The following VCPIP1 variants were observed in gnomAD, a reference collection of about 807,000 sequenced individuals.
VCPIP1 encodes the protein valosin containing protein interacting protein 1, also known as deubiquitinating protein VCPIP1.
A neutral mutation model predicts 85.0 loss-of-function variants in VCPIP1; 8 were observed. The ratio of observed to expected loss-of-function variants is 0.09; its 90% CI spans 0.06 to 0.17. VCPIP1 has a LOEUF of 0.17. VCPIP1 is among the 10% of genes least tolerant of loss of function. The probability of loss-of-function intolerance (pLI) is 1.00; values close to 1 mark genes in which losing one functional copy is unlikely to be tolerated. For missense variants in VCPIP1, 1,070 were observed against 1,486.3 expected, an observed-to-expected ratio of 0.72 and a Z score of 4.61; for synonymous variants, 543 against 544.5, an observed-to-expected ratio of 1.00 and a Z score of 0.04.
At chr8:66,650,611 A>C (rs1811042632) in intron 2 of VCPIP1, among the ~76,000 whole-genome samples, 1 of 152,168 alleles carries the variant, frequency 6.6e-6, no homozygotes. Context: ...TGTATCCTAG[A>C]ACTTAGAAAG....
chr8:66,633,151 AC>A lies in VCPIP1; in HGVS notation c.*1349del, dbSNP rs1810850422. The A allele has an allele frequency of 6.6e-6, 1 of 152,588 alleles. No individual in the cohort carries two copies. The highest frequency in any genetic ancestry group is 1.5e-5 in the Non-Finnish European group (1 of 67,976). 9.5% of individuals were successfully genotyped at this position (152,588 alleles called of 1,614,324 possible). On this transcript the variant is annotated 3_prime_UTR_variant, in exon 3 of 3. Transcript: ENST00000310421. ...GAGATTTTTAAACATCTGATAAAAT[AC>A]TTTCTGACATACATTTTCTTAGAAT...
rs915832074 is a variant in VCPIP1, at chr8:66,639,009, G to T, written c.2798-3637C>A. On this transcript the variant is annotated intron_variant, in intron 2 of 2. Transcript: ENST00000310421. ...ATACATATATTTTGTGGGGGACAGG[G>T]TCTCACTCTGTCAACCAGGCTGGAG... Among the ~76,000 whole-genome samples the T allele has an allele frequency of 1.1e-4, 16 of 143,522 alleles. 1 individual carries two copies. The highest frequency in any genetic ancestry group is 3.8e-4 in the African/African-American group (14 of 36,404). The allele number at this position is 143,522 out of a possible 152,430, so 94.2% of individuals were successfully genotyped here. A position where few individuals can be genotyped will look rare whatever the true frequency, so the allele number is the denominator to read the frequency against.
Position 66,634,667 on chromosome 8 carries a change from TCAGTACCAC to T in VCPIP1, c.3494_3502del (p.Gly1165_Thr1167del), listed in dbSNP as rs574506667. 2.7e-4 allele frequency: 438 copies of T among 1,614,222 alleles called. 3 individuals carry two copies. In the African/African-American group the frequency reaches 5.3e-3, roughly 19 times the overall value. On this transcript the variant is annotated inframe_deletion, in exon 3 of 3. Coordinates refer to ENST00000310421, the MANE Select transcript of VCPIP1 (RefSeq NM_025054.5). ...ATCAGTTGTTTCTGTATTCAAATTT[TCAGTACCAC>T]CAGTTAAAGGAAAAGATTCAGGCAA...
Position 66,667,139 on chromosome 8 carries a change from T to A in VCPIP1, c.-181A>T. On this transcript the variant is annotated 5_prime_UTR_variant, in exon 1 of 3. Transcript: ENST00000310421. ...GCCGGACGTTGTTTCTCTTCTTACT[T>A]CTCCACTGCCGTAGCCGTTGCCCCG... 1 of 1,320,840 alleles carries A rather than the reference T, an allele frequency of 7.6e-7. No homozygotes were observed. Among genetic ancestry groups the A allele is most frequent in the Non-Finnish European group, 9.9e-7 (1 of 1,012,638 alleles). 81.8% of individuals were successfully genotyped at this position (1,320,840 alleles called of 1,614,324 possible). A position where few individuals can be genotyped will look rare whatever the true frequency, so the allele number is the denominator to read the frequency against.
chr8:66,658,074 G>A (rs748358109), intron 1 of VCPIP1, among the ~76,000 whole-genome samples: 5 of 152,056 alleles, frequency 3.3e-5, no homozygotes, highest in Non-Finnish European at 5.9e-5. Flanking sequence ...GGTGGCTCAC[G>A]CCTGTAATCC....
intron 1 of VCPIP1, among the ~76,000 whole-genome samples, chr8:66,662,812 T>C (rs112204028): frequency 2.0e-5 from 3 of 151,468 alleles, no homozygotes; most frequent in Non-Finnish European, 4.4e-5. Flanking sequence ...CTCCAGAGTA[T>C]CTGGGATTAC....
intron 2 of VCPIP1, among the ~76,000 whole-genome samples, chr8:66,641,122 A>G (rs983956619): frequency 6.6e-6 from 1 of 152,178 alleles, no homozygotes; most frequent in Non-Finnish European, 1.5e-5. Flanking sequence ...CGGCCCCTGT[A>G]TCTGCTGACC....
rs568188452 is a variant in VCPIP1, at chr8:66,634,853, C to T, written c.3317G>A (p.Arg1106Gln). The T allele has an allele frequency of 5.0e-6, 8 of 1,614,092 alleles. No homozygotes were observed. Among genetic ancestry groups the T allele is most frequent in the South Asian group, 4.4e-5 (4 of 91,078 alleles). Residue 1106 changes from arginine (R) to glutamine (Q), a missense_variant, in exon 3 of 3, where the codon CGA (arginine) becomes CAA (glutamine). By Grantham distance (43) the Arg-to-Gln change is conservative. This residue lies in a region of VCPIP1 where 255 missense variants were observed against 289.5 expected (regional missense o/e 0.88). Coordinates refer to ENST00000310421, the MANE Select transcript of VCPIP1 (RefSeq NM_025054.5). ...AGAAACCATTTCCTGCAATTTTTTT[C>T]GCTGGGCCTCAACCAAATCAGGATC... is the stretch of plus-strand genomic sequence containing the variant. ...QLDPDLVEAQ[R>Q]KKLQEMVSSI...
chr8:66,649,830 T>C (rs7838950), intron 2 of VCPIP1, among the ~76,000 whole-genome samples: 4,002 of 152,294 alleles, frequency 0.026, 185 homozygotes, highest in African/African-American at 0.09. Context: ...AAAATTCGTA[T>C]ACTTGTAAGT....
chr8:66,664,420 T>C lies in VCPIP1; in HGVS notation c.2539A>G (p.Thr847Ala). The change falls in exon 1 of 3, where the codon ACA becomes GCA. Residue 847 changes from threonine (T) to alanine (A), a missense_variant. Thr to Ala is a moderately conservative substitution (Grantham distance 58, BLOSUM62 0). Transcript: ENST00000310421. ...PVPLQHGDRITIEILKSKAEG... is the reference protein window; with the variant it reads ...PVPLQHGDRIAIEILKSKAEG... Reference sequence around the variant, plus strand: ...GCTTTACTTTTTAGAATTTCTATTGTAATTCTGTCGCCATGCTGTAAAGGA... The same window carrying C: ...GCTTTACTTTTTAGAATTTCTATTGCAATTCTGTCGCCATGCTGTAAAGGA... 1 of 1,613,846 alleles carries C rather than the reference T, an allele frequency of 6.2e-7. No individual in the cohort carries two copies. Among genetic ancestry groups the C allele is most frequent in the Non-Finnish European group, 8.5e-7 (1 of 1,179,700 alleles).
chr8:66,641,019 C>T (rs1289506460), intron 2 of VCPIP1, among the ~76,000 whole-genome samples: 1 of 152,210 alleles, frequency 6.6e-6, no homozygotes, highest in Non-Finnish European at 1.5e-5. Flanking sequence ...AACACATGCC[C>T]TCTGGGGCCC....
At chr8:66,637,282 T>C (rs563381441) in intron 2 of VCPIP1, among the ~76,000 whole-genome samples, 1 of 151,620 alleles carries the variant, frequency 6.6e-6, no homozygotes, top group South Asian at 2.1e-4. Context: ...CTCTGGAGTT[T>C]TAGGCTGCAG....
chr8:66,637,690 C>A (rs1311961704), intron 2 of VCPIP1, among the ~76,000 whole-genome samples: 3 of 151,950 alleles, frequency 2.0e-5, no homozygotes, highest in Non-Finnish European at 4.4e-5. Flanking sequence ...TTACTTAGGG[C>A]CGGGCACGGT....
At chr8:66,653,653 A>C (rs1364483018) in intron 1 of VCPIP1, 2 of 152,194 alleles carry the variant, frequency 1.3e-5, no homozygotes, top group Non-Finnish European at 2.9e-5. Context: ...AATAAGAAAA[A>C]TCACATCTCT....
At position 66,634,367 on chromosome 8, in the gene VCPIP1, G is replaced by T; in HGVS notation, c.*134C>A. The T allele has an allele frequency of 9.5e-7, 1 of 1,054,522 alleles. No individual in the cohort carries two copies. The highest frequency in any genetic ancestry group is 1.3e-6 in the Non-Finnish European group (1 of 744,190). The allele number at this position is 1,054,522 out of a possible 1,614,324, so 65.3% of individuals were successfully genotyped here. On this transcript the variant is annotated 3_prime_UTR_variant, in exon 3 of 3. Transcript: ENST00000310421. The stretch of plus-strand genomic sequence containing the variant: ...TGGCCAATCACACACTTGCTATCAT[G>T]CACTGAATAACAAGATATAATCTTT...
In VCPIP1 at chr8:66,664,320, A is replaced by G. The variant is rs1222762166; in HGVS notation, c.2639T>C (p.Leu880Pro). The change falls in exon 1 of 3, where the codon CTG becomes CCG. Residue 880 changes from leucine (L) to proline (P), a missense_variant. By Grantham distance (98) the Leu-to-Pro change is moderately conservative (BLOSUM62 -3). Transcript: ENST00000310421. ...KQEDIAVTGKLSSKELQEQAE... is the reference protein window; with the variant it reads ...KQEDIAVTGKPSSKELQEQAE... ...TTGCTCCTGAAGTTCCTTAGATGAC[A>G]GTTTACCAGTAACAGCAATATCTTC... The G allele has an allele frequency of 1.2e-6, 2 of 1,610,166 alleles. No individual in the cohort carries two copies. The highest frequency in any genetic ancestry group is 1.7e-6 in the Non-Finnish European group (2 of 1,176,970).
intron 2 of VCPIP1, among the ~76,000 whole-genome samples, chr8:66,647,234 G>T (rs934734628): frequency 2.7e-5 from 4 of 150,914 alleles, no homozygotes; most frequent in African/African-American, 7.3e-5. Flanking sequence ...CCAGCTACTT[G>T]GGAGACTGAG....
In VCPIP1 at chr8:66,665,377, G is replaced by A; in HGVS notation, c.1582C>T (p.Pro528Ser). 1 of 1,614,164 alleles carries A rather than the reference G, an allele frequency of 6.2e-7. No homozygotes were observed. Among genetic ancestry groups the A allele is most frequent in the Non-Finnish European group, 8.5e-7 (1 of 1,180,030 alleles). The part of the protein sequence containing the change: ...SYDSVKDVLV[P>S]DYGMSNLTAC... Reference sequence around the variant, plus strand: ...GTTAGGTTACTCATTCCATAGTCTGGTACCAGAACATCTTTCACTGAATCA... The same window carrying A: ...GTTAGGTTACTCATTCCATAGTCTGATACCAGAACATCTTTCACTGAATCA... The change falls in exon 1 of 3, where the codon CCA (proline) becomes TCA (serine). Residue 528 changes from proline (P) to serine (S), a missense_variant. By Grantham distance (74) the Pro-to-Ser change is moderately conservative. This residue lies in a region of VCPIP1 where 123 missense variants were observed against 156.3 expected (regional missense o/e 0.79). Transcript: ENST00000310421. The surrounding 1 kb of genome is among the most constrained non-coding windows in gnomAD (Gnocchi z 4.3).
chr8:66,660,411 T>C (rs1275625330), intron 1 of VCPIP1, among the ~76,000 whole-genome samples: 1 of 152,216 alleles, frequency 6.6e-6, no homozygotes, highest in East Asian at 1.9e-4. Context: ...ATCAACAGGG[T>C]ACACTGATAG....
Sources: allele counts gnomAD v4.1 joint callset (sites outside exome capture counted in the v4.1 genomes callset), GRCh38; gene constraint gnomAD v4.1.1; regional missense constraint gnomAD v4.1.1; non-coding constraint Gnocchi (gnomAD v3.1); transcripts MANE v1.5; gene names NCBI Gene and HGNC (gene_info 2026-07-23, HGNC 2026-07-21).